The following NECAB1 variants were observed in gnomAD, a reference collection of about 807,000 sequenced individuals.
NECAB1 encodes N-terminal EF-hand calcium binding protein 1.
In NECAB1, 29 loss-of-function variants were observed where a neutral mutation model predicts 57.5. The ratio of observed to expected loss-of-function variants is 0.50; its 90% CI spans 0.38 to 0.69. NECAB1 has a LOEUF of 0.69. Ranked by LOEUF, NECAB1 falls within the 30% of genes least tolerant of loss-of-function variation. NECAB1 has a pLI of 0.00. For missense variants in NECAB1, 372 were observed against 413.8 expected (o/e 0.90, Z 0.88); for synonymous variants, 142 against 147.7 (o/e 0.96, Z 0.28).
At chr8:90,793,428 C>T (rs763765266) in intron 1 of NECAB1, among the ~76,000 whole-genome samples, 10 of 152,158 alleles carry the variant, frequency 6.6e-5, no homozygotes, top group Non-Finnish European at 1.5e-4. Flanking sequence ...TATTCAGCCA[C>T]CCAATCAGGT....
chr8:90,944,549 A>C (rs1450554480), intron 10 of NECAB1, among the ~76,000 whole-genome samples: 1 of 152,192 alleles, frequency 6.6e-6, no homozygotes, highest in African/African-American at 2.4e-5. Flanking sequence ...GGGAGGTACC[A>C]ATTGAATATA....
rs368331447 is a variant in NECAB1 at position 90,791,874 on chromosome 8, A to C, written c.-13A>C. 1 of 1,547,862 alleles carries C rather than the reference A, an allele frequency of 6.5e-7. No homozygotes were observed. On this transcript the variant is annotated 5_prime_UTR_variant, in exon 1 of 13. Transcript: ENST00000417640. Reference sequence around the variant, plus strand: ...TAGCCCCGCTCCGCCTGAGGCCGTCAGGGCTCCCGAGGATGGAAGATTCCC... The same window carrying C: ...TAGCCCCGCTCCGCCTGAGGCCGTCCGGGCTCCCGAGGATGGAAGATTCCC...
chr8:90,897,695 A>T lies in NECAB1; in HGVS notation c.357+16565A>T, dbSNP rs1809391721. 8.5e-5 allele frequency among the ~76,000 whole-genome samples: 13 copies of T among 152,248 alleles called. No individual in the cohort carries two copies. In the South Asian group the frequency reaches 2.7e-3, roughly 31 times the overall value. Reference sequence around the variant, plus strand: ...ATTGCATTTCAAAGAGCAGTCAAATAATATGCATAGACAAGTGAAAATTGA... The same window carrying T: ...ATTGCATTTCAAAGAGCAGTCAAATTATATGCATAGACAAGTGAAAATTGA... On this transcript the variant is annotated intron_variant, in intron 5 of 12. Transcript: ENST00000417640.
At chr8:90,946,633 T>C (rs1056908532) in intron 10 of NECAB1, among the ~76,000 whole-genome samples, 6 of 152,218 alleles carry the variant, frequency 3.9e-5, no homozygotes, top group African/African-American at 1.2e-4. Flanking sequence ...CAGGTCTGTC[T>C]TTCAGATGTG....
chr8:90,944,526 C>A (rs1179683285), intron 10 of NECAB1, among the ~76,000 whole-genome samples: 1 of 152,142 alleles, frequency 6.6e-6, no homozygotes, highest in African/African-American at 2.4e-5. Context: ...CATTAATCCC[C>A]GTTTTTGTCA....
At chr8:90,832,037 G>A (rs1812305245) in intron 3 of NECAB1, among the ~76,000 whole-genome samples, 1 of 152,084 alleles carries the variant, frequency 6.6e-6, no homozygotes, top group African/African-American at 2.4e-5. Context: ...TACGATTATT[G>A]ATTCCATTTG....
chr8:90,821,741 C>G (rs1812147734), intron 2 of NECAB1, among the ~76,000 whole-genome samples: 1 of 151,414 alleles, frequency 6.6e-6, no homozygotes, highest in Non-Finnish European at 1.5e-5. Context: ...TTATATCGTA[C>G]CATTTACTGT....
rs1004173913 is a variant in NECAB1, at chr8:90,956,803, T to C, written c.*1291T>C. On this transcript the variant is annotated 3_prime_UTR_variant, in exon 13 of 13. Coordinates refer to ENST00000417640, the MANE Select transcript of NECAB1 (RefSeq NM_022351.5). Reference sequence around the variant, plus strand: ...TATAAATTTGACCTAAAATATTTTCTCAAACTAATTCATGAAACAGCAACT... The same window carrying C: ...TATAAATTTGACCTAAAATATTTTCCCAAACTAATTCATGAAACAGCAACT... The C allele has an allele frequency of 6.6e-6, 1 of 152,400 alleles. No individual in the cohort carries two copies. Among genetic ancestry groups the C allele is most frequent in the African/African-American group, 2.4e-5 (1 of 41,404 alleles). The allele number at this position is 152,400 out of a possible 1,614,324, so 9.4% of individuals were successfully genotyped here.
At chr8:90,946,503 A>C (rs1648294739) in intron 10 of NECAB1, among the ~76,000 whole-genome samples, 2 of 152,350 alleles carry the variant, frequency 1.3e-5, no homozygotes, top group South Asian at 2.1e-4. Context: ...TTGCAACTGC[A>C]ATCTAGAGTA....
chr8:90,801,857 A>T, intron 2 of NECAB1, 142 bp downstream of exon 2: 1 of 557,172 alleles, frequency 1.8e-6, no homozygotes, highest in Non-Finnish European at 3.1e-6. Context: ...CGTTTTAGAT[A>T]AGTTTTAGGC....
chr8:90,944,301 T>C (rs1256906469), intron 10 of NECAB1, among the ~76,000 whole-genome samples: 1 of 152,224 alleles, frequency 6.6e-6, no homozygotes, highest in Non-Finnish European at 1.5e-5. Flanking sequence ...GCCACTGAAT[T>C]AGAGGTTTTG....
intron 6 of NECAB1, among the ~76,000 whole-genome samples, chr8:90,922,029 T>C (rs1810126659): frequency 1.3e-5 from 2 of 152,268 alleles, no homozygotes; most frequent in South Asian, 4.1e-4. Context: ...TACAACACTC[T>C]TTGTATCTGC....
chr8:90,920,455 TAG>T (rs1195953965), intron 6 of NECAB1, among the ~76,000 whole-genome samples: 1 of 152,100 alleles, frequency 6.6e-6, no homozygotes, highest in Non-Finnish European at 1.5e-5. Context: ...GAGGAAAAGA[TAG>T]AGAGAGAAAA....
At chr8:90,858,602 A>G (rs1223204753) in intron 3 of NECAB1, among the ~76,000 whole-genome samples, 7 of 151,052 alleles carry the variant, frequency 4.6e-5, no homozygotes, top group Non-Finnish European at 8.8e-5. Flanking sequence ...ACAATACAAG[A>G]AAAAAAAATT....
At chr8:90,917,432 A>T in intron 5 of NECAB1, 60 bp from the exon 6 acceptor site, 2 of 1,506,096 alleles carry the variant, frequency 1.3e-6, no homozygotes, top group South Asian at 2.7e-5. Flanking sequence ...AAGAAAAAAA[A>T]AAAATCCTGG....
chr8:90,826,598 G>A (rs959049779), intron 3 of NECAB1, among the ~76,000 whole-genome samples: 2 of 151,792 alleles, frequency 1.3e-5, no homozygotes, highest in African/African-American at 4.8e-5. Context: ...TTTCTTCCTC[G>A]TTACAATTAG....
intron 5 of NECAB1, among the ~76,000 whole-genome samples, chr8:90,904,129 G>A (rs967891003): frequency 2.0e-5 from 3 of 152,096 alleles, no homozygotes; most frequent in African/African-American, 7.2e-5. Flanking sequence ...AAAGCCTCAA[G>A]CCAAGAATTT....
intron 5 of NECAB1, chr8:90,903,859 A>G (rs1286271046): frequency 6.6e-6 from 1 of 152,218 alleles, no homozygotes; most frequent in Non-Finnish European, 1.5e-5. Context: ...TTGACCTTAC[A>G]TTTCAGTTTT....
At chr8:90,810,480 C>G (rs1257757806) in intron 2 of NECAB1, among the ~76,000 whole-genome samples, 1 of 152,144 alleles carries the variant, frequency 6.6e-6, no homozygotes, top group African/African-American at 2.4e-5. Flanking sequence ...ATTCATTAAC[C>G]TCTCTGAGTT....
Sources: allele counts gnomAD v4.1 joint callset (sites outside exome capture counted in the v4.1 genomes callset), GRCh38; gene constraint gnomAD v4.1.1; transcripts MANE v1.5; gene names NCBI Gene and HGNC (gene_info 2026-07-23, HGNC 2026-07-21).